The following RIC1 variants were observed in gnomAD, a reference collection of about 807,000 sequenced individuals.
RIC1 encodes RIC1 partner of RAB6A GEF complex.
RIC1 carries 88 observed loss-of-function variants against 169.0 expected under a neutral mutation model. The ratio of observed to expected loss-of-function variants is 0.52; its 90% CI spans 0.44 to 0.62. The LOEUF is 0.62. Ranked by LOEUF, RIC1 falls within the 20% of genes least tolerant of loss-of-function variation. The pLI is 0.00. For synonymous variants in RIC1, 790 were observed against 601.5 expected (o/e 1.31, Z -4.59); for missense variants, 1,877 against 1,725.5 (o/e 1.09, Z -1.56).
chr9:5,714,930 C>G (rs1823142587), intron 4 of RIC1, among the ~76,000 whole-genome samples: 1 of 152,280 alleles, frequency 6.6e-6, no homozygotes, highest in Admixed American at 6.5e-5. Context: ...ATCCCTCTGA[C>G]TCACAGTTCT....
At chr9:5,716,875 G>A (rs1823279540) in intron 4 of RIC1, among the ~76,000 whole-genome samples, 1 of 152,092 alleles carries the variant, frequency 6.6e-6, no homozygotes, top group Non-Finnish European at 1.5e-5. Flanking sequence ...GTCTCACTGT[G>A]CTGCTCAGTT....
At chr9:5,740,316 G>C (rs908205364) in intron 8 of RIC1, among the ~76,000 whole-genome samples, 1 of 151,822 alleles carries the variant, frequency 6.6e-6, no homozygotes, top group African/African-American at 2.4e-5. Flanking sequence ...AGCATTTTGG[G>C]GTCTAATGAT....
chr9:5,632,576 C>A (rs1817768844), intron 1 of RIC1, among the ~76,000 whole-genome samples: 2 of 152,068 alleles, frequency 1.3e-5, no homozygotes, highest in Admixed American at 6.5e-5. Flanking sequence ...TATTTTGGAG[C>A]CCCCCAAATG....
At chr9:5,754,610 C>T (rs1476487826) in intron 14 of RIC1, among the ~76,000 whole-genome samples, 3 of 152,074 alleles carry the variant, frequency 2.0e-5, no homozygotes, top group East Asian at 1.9e-4. Flanking sequence ...TGCTTGTAAT[C>T]CCAGCTACTT....
intron 6 of RIC1, among the ~76,000 whole-genome samples, chr9:5,721,373 C>G (rs1017186405): frequency 6.6e-6 from 1 of 152,158 alleles, no homozygotes; most frequent in Non-Finnish European, 1.5e-5. Flanking sequence ...AAAGCAAGCT[C>G]TCAGCAAATA....
chr9:5,676,227 A>G (rs1820432736), intron 2 of RIC1, among the ~76,000 whole-genome samples: 1 of 152,172 alleles, frequency 6.6e-6, no homozygotes. Context: ...TGGATAAGCA[A>G]ACTTTCTAGG....
At chr9:5,751,202 G>A (rs546528794) in intron 12 of RIC1, among the ~76,000 whole-genome samples, 1 of 151,878 alleles carries the variant, frequency 6.6e-6, no homozygotes, top group East Asian at 1.9e-4. Flanking sequence ...TAGTGCAATG[G>A]ATGATTGACA....
At chr9:5,662,448 ATCTG>A (rs1330653580) in intron 2 of RIC1, among the ~76,000 whole-genome samples, 1 of 148,488 alleles carries the variant, frequency 6.7e-6, no homozygotes, top group Non-Finnish European at 1.5e-5. Flanking sequence ...TCAGCTGTGA[ATCTG>A]TCTGTCCTGG....
chr9:5,753,417 A>G, intron 13 of RIC1, 119 bp from the exon 14 acceptor site: 1 of 819,150 alleles, frequency 1.2e-6, no homozygotes, highest in South Asian at 1.7e-5. Context: ...TGGACTTTAA[A>G]ATATTTAATT....
At chr9:5,676,174 C>T (rs538952181) in intron 2 of RIC1, among the ~76,000 whole-genome samples, 2 of 152,202 alleles carry the variant, frequency 1.3e-5, no homozygotes, top group Non-Finnish European at 2.9e-5. Flanking sequence ...ACCTCAGACT[C>T]CCAAAGTGCT....
intron 2 of RIC1, among the ~76,000 whole-genome samples, chr9:5,665,707 G>T (rs1026836080): frequency 6.6e-6 from 1 of 152,106 alleles, no homozygotes; most frequent in African/African-American, 2.4e-5. Context: ...GCTGCCATTT[G>T]TGGGGGTCTA....
At chr9:5,752,134 A>G (rs572587014) in intron 12 of RIC1, among the ~76,000 whole-genome samples, 32 of 152,330 alleles carry the variant, frequency 2.1e-4, no homozygotes, top group Admixed American at 2.6e-4. Context: ...TCCCATGTCA[A>G]TTATTTAAAT....
intron 6 of RIC1, among the ~76,000 whole-genome samples, chr9:5,727,871 G>A (rs1250254546): frequency 4.6e-5 from 7 of 152,300 alleles, no homozygotes; most frequent in East Asian, 1.9e-4. Context: ...ATTGCAGAAC[G>A]GCAAATGTTG....
At chr9:5,770,031 AGT>A (rs1827094715) in intron 22 of RIC1, 54 bp from the exon 23 acceptor site, 3 of 1,427,082 alleles carry the variant, frequency 2.1e-6, no homozygotes, top group East Asian at 4.9e-5. Flanking sequence ...TGAAAATGTC[AGT>A]GTGTGCATCT....
intron 1 of RIC1, among the ~76,000 whole-genome samples, chr9:5,656,293 C>G (rs1819094523): frequency 1.3e-5 from 2 of 152,128 alleles, no homozygotes; most frequent in African/African-American, 4.8e-5. Flanking sequence ...GGTGTAATTT[C>G]TCCCTTAAAC....
chr9:5,661,994 A>C (rs1394763119), intron 2 of RIC1, among the ~76,000 whole-genome samples: 1 of 152,082 alleles, frequency 6.6e-6, no homozygotes, highest in Non-Finnish European at 1.5e-5. Context: ...TATTATTTTG[A>C]AGTATGTTCC....
chr9:5,757,334 T>G lies in RIC1; in HGVS notation c.1875T>G (p.Ile625Met). ...ACAGTCCAAATACTACTGCTGGTAT[T>G]CAAGTTCTTCAGGAGGTTTCCATGT... ...KSDGPNTTAG[I>M]QVLQEVSMSR... is the part of the protein sequence containing the mutation. The change falls in exon 17 of 26, where the codon ATT becomes ATG. Residue 625 changes from isoleucine (I) to methionine (M), a missense_variant. Ile to Met is a conservative substitution (Grantham distance 10). Around this residue, in one of 3 missense-constraint regions of RIC1, gnomAD observed 1,104 missense variants for 992.0 expected, o/e 1.11. Transcript: ENST00000414202. 6.2e-7 allele frequency: 1 copy of G among 1,614,086 alleles called. No individual in the cohort carries two copies. The highest frequency in any genetic ancestry group is 8.5e-7 in the Non-Finnish European group (1 of 1,179,932).
rs755204284 is a variant in RIC1 at position 5,762,498 on chromosome 9, C to T, written c.1993-43C>T. ...TTGGGGGGAGATGCGGAAAGCATAC[C>T]GATACAGAAGTATGAATTTAGCTGC... On this transcript the variant is annotated intron_variant, in intron 17 of 25. Coordinates refer to ENST00000414202, the MANE Select transcript of RIC1 (RefSeq NM_020829.4). The T allele has an allele frequency of 1.7e-5, 28 of 1,607,268 alleles. 1 individual carries two copies. The South Asian group carries it at 2.3e-4, about 13-fold the overall frequency.
intron 5 of RIC1, 69 bp downstream of exon 5, chr9:5,720,393 T>C: frequency 1.4e-6 from 2 of 1,450,406 alleles, no homozygotes; most frequent in Non-Finnish European, 1.9e-6. Flanking sequence ...GTATCTTCTA[T>C]GGATGAACAC....
Sources: allele counts gnomAD v4.1 joint callset (sites outside exome capture counted in the v4.1 genomes callset), GRCh38; gene constraint gnomAD v4.1.1; regional missense constraint gnomAD v4.1.1; transcripts MANE v1.5; gene names NCBI Gene and HGNC (gene_info 2026-07-23, HGNC 2026-07-21).